The following KCNH7 variants were observed in gnomAD, a reference collection of about 807,000 sequenced individuals.
The protein encoded by KCNH7 is potassium voltage-gated channel subfamily H member 7.
In KCNH7, 49 loss-of-function variants were observed where a neutral mutation model predicts 120.8. The observed-to-expected ratio is 0.41, with a 90% CI of 0.32 to 0.51. KCNH7 has a LOEUF of 0.51. Among genes scored for constraint, KCNH7 ranks in the 20% least tolerant of loss-of-function variants. The pLI, the probability that KCNH7 is intolerant of heterozygous loss-of-function variation, is 0.38. For synonymous variants in KCNH7, 547 were observed against 516.1 expected (o/e 1.06, Z -0.81); for missense variants, 1,097 against 1,446.6 (o/e 0.76, Z 3.92).
intron 2 of KCNH7, among the ~76,000 whole-genome samples, chr2:162,775,802 C>T (rs1007271383): frequency 6.6e-6 from 1 of 152,148 alleles, no homozygotes; most frequent in Non-Finnish European, 1.5e-5. Context: ...TAGACTTGCT[C>T]TATACTGTGT....
chr2:162,640,872 C>T (rs1403021032), intron 2 of KCNH7, among the ~76,000 whole-genome samples: 4 of 151,972 alleles, frequency 2.6e-5, no homozygotes, highest in African/African-American at 4.8e-5. Context: ...AGATAAAAGT[C>T]ATGAAGAGAT....
At chr2:162,570,541 A>G (rs1010599367) in intron 2 of KCNH7, among the ~76,000 whole-genome samples, 1 of 151,926 alleles carries the variant, frequency 6.6e-6, no homozygotes, top group African/African-American at 2.4e-5. Context: ...TTTAAAGTTA[A>G]TATTGTTATG....
At chr2:162,390,009 T>G (rs192219757) in intron 12 of KCNH7, among the ~76,000 whole-genome samples, 29 of 151,996 alleles carry the variant, frequency 1.9e-4, no homozygotes, top group African/African-American at 6.3e-4. Flanking sequence ...ACACAGTGGG[T>G]ACTCAATGAC....
chr2:162,407,522 T>C (rs1687264934), intron 9 of KCNH7, among the ~76,000 whole-genome samples: 1 of 151,998 alleles, frequency 6.6e-6, no homozygotes, highest in Non-Finnish European at 1.5e-5. Flanking sequence ...CACATGTCCT[T>C]GTTACCCAGG....
At position 162,718,940 on chromosome 2, in the gene KCNH7, G is replaced by C. The variant is rs1159869620; in HGVS notation, c.307+117597C>G. ...TGGCTATCCAATTTTAAGAGTCAGA[G>C]TTAAAAATTTTCAGATGCAGAAAAG... On this transcript the variant is annotated intron_variant, in intron 2 of 15. Transcript: ENST00000332142. Among the ~76,000 whole-genome samples, 5 of 152,068 alleles carry C rather than the reference G, an allele frequency of 3.3e-5. No individual in the cohort carries two copies. In the East Asian group the frequency reaches 9.7e-4, roughly 29 times the overall value.
At chr2:162,559,173 T>C (rs1692973838) in intron 2 of KCNH7, among the ~76,000 whole-genome samples, 1 of 152,022 alleles carries the variant, frequency 6.6e-6, no homozygotes, top group Non-Finnish European at 1.5e-5. Flanking sequence ...TGATAAAAAT[T>C]GCTACAGTGT....
rs369709525 is a variant in KCNH7, at chr2:162,608,918, C to T, written c.308-71838G>A. On this transcript the variant is annotated intron_variant, in intron 2 of 15. Transcript: ENST00000332142. ...CTATTAGTTGCCTGAAAAGGAGGTG[C>T]TGTTTCACCAACTTCTGGACCATTA... is the stretch of plus-strand genomic sequence containing the variant. 5.9e-5 allele frequency among the ~76,000 whole-genome samples: 9 copies of T among 152,302 alleles called. No homozygotes were observed. In the South Asian group the frequency reaches 1.9e-3, roughly 32 times the overall value.
At chr2:162,495,161 A>G (rs961288673) in intron 6 of KCNH7, among the ~76,000 whole-genome samples, 1 of 152,148 alleles carries the variant, frequency 6.6e-6, no homozygotes, top group African/African-American at 2.4e-5. Context: ...ACAGGTCACA[A>G]TTGGAGAAAC....
intron 2 of KCNH7, among the ~76,000 whole-genome samples, chr2:162,609,140 T>C (rs1682876852): frequency 6.6e-6 from 1 of 152,168 alleles, no homozygotes; most frequent in African/African-American, 2.4e-5. Flanking sequence ...CCTTCTCCTA[T>C]GGGATGTGGT....
At chr2:162,540,832 C>A (rs1332056505) in intron 2 of KCNH7, among the ~76,000 whole-genome samples, 3 of 151,978 alleles carry the variant, frequency 2.0e-5, no homozygotes, top group African/African-American at 4.8e-5. Flanking sequence ...TAGAGGAGGC[C>A]AGGATGGAAG....
intron 6 of KCNH7, among the ~76,000 whole-genome samples, chr2:162,481,509 G>A (rs1292378723): frequency 6.6e-6 from 1 of 152,130 alleles, no homozygotes; most frequent in African/African-American, 2.4e-5. Context: ...TTACAATTCA[G>A]TTCAGGATGG....
At chr2:162,576,248 G>A (rs573361768) in intron 2 of KCNH7, among the ~76,000 whole-genome samples, 73 of 152,110 alleles carry the variant, frequency 4.8e-4, no homozygotes, top group Non-Finnish European at 8.7e-4. Flanking sequence ...ACTATTTGAG[G>A]CTAAAAATTA....
rs1306797344 is a variant in KCNH7 at position 162,384,682 on chromosome 2, G to T, written c.2962+6C>A. ...AGAGACCACCTGATGTCTAACTCTG[G>T]ATTACCTTTGCAAGAGTGACTTCTT... is the stretch of plus-strand genomic sequence containing the variant. On this transcript the variant is annotated splice_donor_region_variant and intron_variant, in intron 13 of 15. Transcript: ENST00000332142. The T allele has an allele frequency of 1.2e-6, 2 of 1,611,408 alleles. No individual in the cohort carries two copies. Among genetic ancestry groups the T allele is most frequent in the African/African-American group, 2.7e-5 (2 of 74,722 alleles).
intron 2 of KCNH7, among the ~76,000 whole-genome samples, chr2:162,748,925 C>CCTTT (rs1301750033): frequency 2.5e-5 from 1 of 40,146 alleles, no homozygotes; most frequent in Non-Finnish European, 3.6e-5. Flanking sequence ...CCTTCCCTTT[C>CCTTT]CTTTCCTTCC....
chr2:162,648,275 G>A (rs1449993200), intron 2 of KCNH7, among the ~76,000 whole-genome samples: 2 of 152,076 alleles, frequency 1.3e-5, no homozygotes, highest in African/African-American at 4.8e-5. Context: ...TCACATGGTG[G>A]GAGGAAAGAG....
chr2:162,387,691 G>T (rs565005086), intron 12 of KCNH7, among the ~76,000 whole-genome samples: 3 of 151,538 alleles, frequency 2.0e-5, no homozygotes, highest in Admixed American at 2.0e-4. Context: ...GTCTCCTCCC[G>T]CTTTTTTACA....
intron 4 of KCNH7, among the ~76,000 whole-genome samples, chr2:162,516,255 T>C (rs928756234): frequency 2.6e-5 from 4 of 151,748 alleles, no homozygotes; most frequent in Non-Finnish European, 2.9e-5. Flanking sequence ...ACACAATAAA[T>C]ATAAAATGCA....
rs998898608 is a variant in KCNH7, at chr2:162,676,635, G to A, written c.308-139555C>T. On this transcript the variant is annotated intron_variant, in intron 2 of 15. Transcript: ENST00000332142. Reference sequence around the variant, plus strand: ...TAGGAGATGCACAACTGTCAGAGTTGACATCCTCTGGAACTTTTGAGGCAA... The same window carrying A: ...TAGGAGATGCACAACTGTCAGAGTTAACATCCTCTGGAACTTTTGAGGCAA... Among the ~76,000 whole-genome samples the A allele has an allele frequency of 2.0e-5, 3 of 151,462 alleles. No individual in the cohort carries two copies. The Admixed American group carries it at 2.0e-4, about 10-fold the overall frequency.
chr2:162,374,612 G>T (rs936660765), intron 14 of KCNH7, among the ~76,000 whole-genome samples: 1 of 152,016 alleles, frequency 6.6e-6, no homozygotes, highest in Non-Finnish European at 1.5e-5. Context: ...GATTAATTTT[G>T]CCCAATTAAA....
Sources: gnomAD v4.1 joint callset for allele counts (sites outside exome capture counted in the v4.1 genomes callset) on GRCh38, gnomAD v4.1.1 for gene constraint, MANE v1.5 for transcripts, NCBI Gene and HGNC (gene_info 2026-07-23, HGNC 2026-07-21) for gene names.